Variants in PTPN14 observed in about 807,000 individuals in gnomAD.
PTPN14 encodes the protein protein tyrosine phosphatase non-receptor type 14, also known as tyrosine-protein phosphatase non-receptor type 14.
In PTPN14, 53 loss-of-function variants were observed where a neutral mutation model predicts 126.8. The ratio of observed to expected loss-of-function variants is 0.42; its 90% confidence interval spans 0.34 to 0.53. The LOEUF is 0.53. Among genes scored for constraint, PTPN14 ranks in the 20% least tolerant of loss-of-function variants. The pLI is 0.08. For missense variants in PTPN14, 1,257 were observed against 1,552.9 expected (o/e 0.81, Z 3.20); for synonymous variants, 630 against 599.3 (o/e 1.05, Z -0.75).
At chr1:214,437,053 T>C (rs1366934874) in intron 3 of PTPN14, among the ~76,000 whole-genome samples, 2 of 151,976 alleles carry the variant, frequency 1.3e-5, no homozygotes, top group African/African-American at 2.4e-5. Context: ...TTCTAGTTGG[T>C]AGTTGAAATC....
chr1:214,530,341 T>C (rs56253402), intron 1 of PTPN14: 17,742 of 147,980 alleles, frequency 0.12, 1,172 homozygotes, highest in East Asian at 0.24. Context: ...TCTTTTCTTT[T>C]TTTTTTTTTT....
In PTPN14 at chr1:214,355,962, T is replaced by C. The variant is rs1657810165; in HGVS notation, c.*1960A>G. On this transcript the variant is annotated 3_prime_UTR_variant, in exon 19 of 19. Coordinates refer to ENST00000366956, the MANE Select transcript of PTPN14 (RefSeq NM_005401.5). Reference sequence around the variant, plus strand: ...TTTTTCTTGACAACCTTTTTTCCTTTTTTTTTTTTTTTTTTGGAGGCAGGG... The same window carrying C: ...TTTTTCTTGACAACCTTTTTTCCTTCTTTTTTTTTTTTTTTGGAGGCAGGG... The C allele has an allele frequency of 6.9e-6, 1 of 144,064 alleles. No homozygotes were observed. Among genetic ancestry groups the C allele is most frequent in the African/African-American group, 2.5e-5 (1 of 39,278 alleles). The allele number at this position is 144,064 out of a possible 1,614,324, so 8.9% of individuals were successfully genotyped here.
intron 1 of PTPN14, among the ~76,000 whole-genome samples, chr1:214,480,626 C>G (rs1267655999): frequency 6.6e-6 from 1 of 152,164 alleles, no homozygotes; most frequent in African/African-American, 2.4e-5. Flanking sequence ...TCCTATCTCT[C>G]AATAGCTACA....
At chr1:214,454,031 T>C (rs966994345) in intron 2 of PTPN14, among the ~76,000 whole-genome samples, 2 of 152,208 alleles carry the variant, frequency 1.3e-5, no homozygotes, top group Non-Finnish European at 2.9e-5. Flanking sequence ...CTCTGCATTA[T>C]ACTGAATTCC....
chr1:214,430,868 T>A lies in PTPN14; in HGVS notation c.345-16142A>T, dbSNP rs180897213. Reference sequence around the variant, plus strand: ...TTGCTCAAATATTTTTATGTGACCATCTAATCTACCCAAATAGATTGAAAA... The same window carrying A: ...TTGCTCAAATATTTTTATGTGACCAACTAATCTACCCAAATAGATTGAAAA... On this transcript the variant is annotated intron_variant, in intron 3 of 18. Transcript: ENST00000366956. Among the ~76,000 whole-genome samples, 260 of 152,336 alleles carry A rather than the reference T, an allele frequency of 1.7e-3. 1 individual carries two copies. Among genetic ancestry groups the A allele is most frequent in the Non-Finnish European group, 2.9e-3 (197 of 68,030 alleles).
intron 1 of PTPN14, among the ~76,000 whole-genome samples, chr1:214,476,544 AG>A (rs1031783068): frequency 5.3e-5 from 8 of 152,042 alleles, no homozygotes; most frequent in African/African-American, 1.9e-4. Flanking sequence ...TCCCATGTCC[AG>A]GGTGTCACTT....
intron 3 of PTPN14, among the ~76,000 whole-genome samples, chr1:214,430,255 G>C (rs988935046): frequency 6.6e-6 from 1 of 152,026 alleles, no homozygotes; most frequent in African/African-American, 2.4e-5. Flanking sequence ...ACCGCTTTAG[G>C]TATTTGGGAG....
chr1:214,420,176 CA>C (rs1010531790), intron 3 of PTPN14, among the ~76,000 whole-genome samples: 2 of 152,140 alleles, frequency 1.3e-5, no homozygotes, highest in African/African-American at 4.8e-5. Flanking sequence ...CACAAACAAA[CA>C]AAAGGAAAAG....
chr1:214,462,463 G>C lies in PTPN14; in HGVS notation c.174+2167C>G, dbSNP rs1257756034. 2.0e-5 allele frequency among the ~76,000 whole-genome samples: 3 copies of C among 152,294 alleles called. No homozygotes were observed. The East Asian group carries it at 5.8e-4, about 29-fold the overall frequency. ...TGTTGGCTGCTCTTTCACATCCTTG[G>C]ATCTTTGATAATCCAGTCCCCCACA... On this transcript the variant is annotated intron_variant, in intron 2 of 18. Transcript: ENST00000366956.
chr1:214,481,315 T>C lies in PTPN14; in HGVS notation c.-154-16358A>G, dbSNP rs983622961. The stretch of plus-strand genomic sequence containing the variant: ...TGAGGTCAGGAGTTCGAGACCACCA[T>C]GGCCAACATGGTGAAACCCCATCTC... On this transcript the variant is annotated intron_variant, in intron 1 of 18. Coordinates refer to ENST00000366956, the MANE Select transcript of PTPN14 (RefSeq NM_005401.5). 2.0e-5 allele frequency among the ~76,000 whole-genome samples: 3 copies of C among 151,798 alleles called. No individual in the cohort carries two copies. In the East Asian group the frequency reaches 5.8e-4, roughly 30 times the overall value.
intron 1 of PTPN14, chr1:214,528,161 G>C (rs974724786): frequency 1.4e-4 from 21 of 152,276 alleles, no homozygotes; most frequent in Non-Finnish European, 2.9e-4. Flanking sequence ...TGGAAGAGAA[G>C]TTTTGGCAAC....
intron 17 of PTPN14, among the ~76,000 whole-genome samples, chr1:214,365,084 G>A (rs79341905): frequency 5.9e-5 from 9 of 152,204 alleles, no homozygotes; most frequent in East Asian, 1.9e-4. Context: ...TGAAACGCCC[G>A]CCTGTCAGAG....
At chr1:214,482,983 C>T in intron 1 of PTPN14, 1 of 1,589,808 alleles carries the variant, frequency 6.3e-7, no homozygotes, top group Non-Finnish European at 8.6e-7. Flanking sequence ...GTAACAATCT[C>T]ATTCATGTTT....
chr1:214,382,038 G>A (rs371714646), intron 13 of PTPN14, among the ~76,000 whole-genome samples: 22 of 151,928 alleles, frequency 1.4e-4, no homozygotes, highest in African/African-American at 5.3e-4. Flanking sequence ...GAGTAACTGG[G>A]ATTACAGGTG....
chr1:214,490,480 C>G (rs1189579564), intron 1 of PTPN14, among the ~76,000 whole-genome samples: 1 of 152,136 alleles, frequency 6.6e-6, no homozygotes, highest in African/African-American at 2.4e-5. Context: ...AAACGAGTGT[C>G]TCTCATTGTG....
chr1:214,384,388 C>T lies in PTPN14; in HGVS notation c.1467G>A (p.Glu489=), dbSNP rs768487028. 1 of 1,614,160 alleles carries T rather than the reference C, an allele frequency of 6.2e-7. No homozygotes were observed. Among genetic ancestry groups the T allele is most frequent in the East Asian group, 2.2e-5 (1 of 44,874 alleles). Residue 489 remains glutamate, a synonymous_variant, in exon 13 of 19, where the codon GAG becomes GAA. Transcript: ENST00000366956. This position sits in a 1 kb window ranked among gnomAD's most constrained non-coding sequence, Gnocchi z 5.3. ...QPEDLVYSQP[E]MRERHPYTVP... is the part of the protein sequence containing the mutation. ...CAGTGTAGGGGTGCCTCTCCCGCAT[C>T]TCCGGTTGGCTGTACACCAGATCCT...
At chr1:214,363,789 A>C (rs1455366570) in intron 18 of PTPN14, among the ~76,000 whole-genome samples, 1 of 152,186 alleles carries the variant, frequency 6.6e-6, no homozygotes, top group Admixed American at 6.5e-5. Context: ...CCACGTAGCT[A>C]GAAGGTAGAA....
intron 3 of PTPN14, among the ~76,000 whole-genome samples, chr1:214,421,315 G>A (rs1412238429): frequency 2.0e-5 from 3 of 152,192 alleles, no homozygotes; most frequent in Non-Finnish European, 2.9e-5. Flanking sequence ...ACATCTGTGT[G>A]ATTCCATTCA....
At chr1:214,399,953 A>C (rs148595806) in intron 7 of PTPN14, among the ~76,000 whole-genome samples, 4 of 151,988 alleles carry the variant, frequency 2.6e-5, no homozygotes, top group Middle Eastern at 3.4e-3. Context: ...AAGGAAGCAA[A>C]ATTTAAAAAA....
Sources: allele counts gnomAD v4.1 joint callset (sites outside exome capture counted in the v4.1 genomes callset), GRCh38; gene constraint gnomAD v4.1.1; non-coding constraint Gnocchi (gnomAD v3.1); transcripts MANE v1.5; gene names NCBI Gene and HGNC (gene_info 2026-07-23, HGNC 2026-07-21).